The following FOXN3 variants were observed in gnomAD, a reference collection of about 807,000 sequenced individuals.
FOXN3 encodes the protein forkhead box protein N3.
FOXN3 carries 7 observed loss-of-function variants against 38.4 expected under a neutral mutation model. The ratio of observed to expected loss-of-function variants is 0.18; its 90% confidence interval spans 0.10 to 0.34. The LOEUF is 0.34. Ranked by LOEUF, FOXN3 falls within the 10% of genes least tolerant of loss-of-function variation. The pLI, the probability that FOXN3 is intolerant of heterozygous loss-of-function variation, is 1.00. For synonymous variants in FOXN3, 230 were observed against 242.2 expected (o/e 0.95, Z 0.47); for missense variants, 456 against 613.4 (o/e 0.74, Z 2.71).
intron 3 of FOXN3, among the ~76,000 whole-genome samples, chr14:89,325,313 CG>C (rs1888035751): frequency 3.2e-5 from 4 of 126,128 alleles, no homozygotes; most frequent in African/African-American, 9.9e-5. Context: ...ACCACCACCA[CG>C]ACCACCACCA....
intron 3 of FOXN3, among the ~76,000 whole-genome samples, chr14:89,342,629 A>G (rs1888648183): frequency 6.6e-6 from 1 of 152,344 alleles, no homozygotes; most frequent in East Asian, 1.9e-4. Context: ...TTAACAAAAT[A>G]TAATGTATAT....
At chr14:89,193,593 C>A (rs538206993) in intron 4 of FOXN3, among the ~76,000 whole-genome samples, 3 of 152,182 alleles carry the variant, frequency 2.0e-5, no homozygotes, top group South Asian at 4.1e-4. Context: ...TTATGGCTAT[C>A]GCTGAGTGGT....
chr14:89,166,139 A>C (rs1887235225), intron 5 of FOXN3, among the ~76,000 whole-genome samples: 2 of 152,194 alleles, frequency 1.3e-5, no homozygotes, highest in Non-Finnish European at 2.9e-5. Flanking sequence ...TTTTTAAATC[A>C]AAGTTTTAGG....
At chr14:89,392,569 G>A (rs556486192) in intron 2 of FOXN3, among the ~76,000 whole-genome samples, 73 of 151,674 alleles carry the variant, frequency 4.8e-4, no homozygotes, top group Middle Eastern at 3.5e-3. Flanking sequence ...GGCTTGCAGA[G>A]CCATCACTCC....
intron 3 of FOXN3, among the ~76,000 whole-genome samples, chr14:89,313,506 C>T (rs958394139): frequency 1.9e-4 from 28 of 150,998 alleles, no homozygotes; most frequent in Admixed American, 2.6e-4. Context: ...TGCAGTGAGC[C>T]GAGATCATGG....
At chr14:89,298,462 T>G (rs1277342701) in intron 3 of FOXN3, among the ~76,000 whole-genome samples, 4 of 129,538 alleles carry the variant, frequency 3.1e-5, no homozygotes, top group Non-Finnish European at 6.3e-5. Context: ...AGAGGGAGAC[T>G]CCGTCTATTT....
intron 4 of FOXN3, among the ~76,000 whole-genome samples, chr14:89,256,074 A>G (rs1290979737): frequency 2.0e-5 from 3 of 152,114 alleles, no homozygotes; most frequent in Non-Finnish European, 2.9e-5. Context: ...AAAAGAACTC[A>G]TGGTTGCCTG....
At chr14:89,173,200 A>G (rs553159184) in intron 5 of FOXN3, among the ~76,000 whole-genome samples, 4 of 152,388 alleles carry the variant, frequency 2.6e-5, no homozygotes, top group African/African-American at 9.6e-5. Context: ...CCTTAAATAT[A>G]TGAAAAACTG....
intron 1 of FOXN3, among the ~76,000 whole-genome samples, chr14:89,536,997 G>A (rs932323716): frequency 2.0e-5 from 3 of 152,112 alleles, no homozygotes; most frequent in Non-Finnish European, 2.9e-5. Context: ...TCAACCCCAT[G>A]TCAGTTTTGC....
At chr14:89,308,099 T>C (rs942634925) in intron 3 of FOXN3, among the ~76,000 whole-genome samples, 4 of 152,130 alleles carry the variant, frequency 2.6e-5, no homozygotes, top group African/African-American at 9.7e-5. Context: ...ACCCTGTCTC[T>C]ACCAAAAATA....
chr14:89,331,725 T>C (rs60007302), intron 3 of FOXN3, among the ~76,000 whole-genome samples: 24,866 of 152,230 alleles, frequency 0.16, 2,164 homozygotes, highest in Middle Eastern at 0.23. Context: ...TTCACACAAA[T>C]ATACCATACA....
chr14:89,597,245 T>A (rs1305463106), intron 1 of FOXN3, among the ~76,000 whole-genome samples: 2 of 152,172 alleles, frequency 1.3e-5, no homozygotes, highest in Admixed American at 6.5e-5. Flanking sequence ...CTTCTAAACA[T>A]ATGGGGATTT....
At chr14:89,170,642 A>G (rs1418231267) in intron 5 of FOXN3, among the ~76,000 whole-genome samples, 1 of 152,234 alleles carries the variant, frequency 6.6e-6, no homozygotes, top group African/African-American at 2.4e-5. Context: ...TCAAAGAAGC[A>G]ATAATGTACA....
chr14:89,565,574 C>T (rs1003722789), intron 1 of FOXN3, among the ~76,000 whole-genome samples: 7 of 152,094 alleles, frequency 4.6e-5, no homozygotes, highest in Admixed American at 6.5e-5. Context: ...TTGGGCTGGA[C>T]GAGGCCTAAG....
chr14:89,585,980 C>T (rs1395440511), intron 1 of FOXN3, among the ~76,000 whole-genome samples: 1 of 152,002 alleles, frequency 6.6e-6, no homozygotes, highest in South Asian at 2.1e-4. Context: ...AACATTCAAG[C>T]GAAAGCTTGA....
At chr14:89,177,079 C>T (rs576942164) in intron 5 of FOXN3, among the ~76,000 whole-genome samples, 3 of 144,524 alleles carry the variant, frequency 2.1e-5, no homozygotes, top group Non-Finnish European at 3.0e-5. Flanking sequence ...GGCACAATTT[C>T]GGCTCACTGC....
intron 1 of FOXN3, among the ~76,000 whole-genome samples, chr14:89,603,495 A>G (rs1896201331): frequency 6.6e-6 from 1 of 152,126 alleles, no homozygotes; most frequent in African/African-American, 2.4e-5. Context: ...TTTTTTCTCT[A>G]CTGCTTTCTG....
At chr14:89,417,770 T>TCCCAGCA, upstream of FOXN3, 1 of 455,340 alleles carries the variant, frequency 2.2e-6, no homozygotes, top group South Asian at 1.6e-5. Flanking sequence ...CCGAGCCCTC[T>TCCCAGCA]CCCAGCGACC....
At chr14:89,166,018 A>T (rs537710203) in intron 5 of FOXN3, among the ~76,000 whole-genome samples, 2 of 152,208 alleles carry the variant, frequency 1.3e-5, no homozygotes, top group Non-Finnish European at 2.9e-5. Flanking sequence ...CACGAGTGGG[A>T]GAGTGAGAAA....
Sources: allele counts gnomAD v4.1 joint callset (sites outside exome capture counted in the v4.1 genomes callset), GRCh38; gene constraint gnomAD v4.1.1; transcripts MANE v1.5; gene names NCBI Gene and HGNC (gene_info 2026-07-23, HGNC 2026-07-21).